Variants in MBD5 observed in about 807,000 individuals in gnomAD.
MBD5 encodes methyl-CpG-binding domain protein 5.
In MBD5, 13 loss-of-function variants were observed where a neutral mutation model predicts 117.3. That is an observed-to-expected ratio of 0.11 (90% confidence interval 0.07 to 0.18). The LOEUF (loss-of-function observed/expected upper bound fraction) is 0.18, where lower values mean the gene tolerates loss of function less well. Among genes scored for constraint, MBD5 ranks in the 10% least tolerant of loss-of-function variants. The pLI, the probability that MBD5 is intolerant of heterozygous loss-of-function variation, is 1.00. For missense variants in MBD5, 1,879 were observed against 2,093.8 expected, an observed-to-expected ratio of 0.90 and a Z score of 2.00; for synonymous variants, 727 against 766.4, an observed-to-expected ratio of 0.95 and a Z score of 0.85.
chr2:148,144,894 A>T (rs945243146), intron 1 of MBD5, among the ~76,000 whole-genome samples: 2 of 152,042 alleles, frequency 1.3e-5, no homozygotes. Context: ...TGCCTCCAGC[A>T]TTGTTCTTTT....
At chr2:148,370,899 C>T (rs563504365) in intron 4 of MBD5, among the ~76,000 whole-genome samples, 4 of 151,916 alleles carry the variant, frequency 2.6e-5, no homozygotes, top group Admixed American at 2.0e-4. Context: ...AGAGTCCAAA[C>T]CAAAGCAAGA....
intron 4 of MBD5, among the ~76,000 whole-genome samples, chr2:148,396,919 A>G (rs1378963893): frequency 6.6e-6 from 1 of 152,142 alleles, no homozygotes; most frequent in Non-Finnish European, 1.5e-5. Flanking sequence ...TTTTTCTGCA[A>G]ATTACACTTT....
intron 1 of MBD5, among the ~76,000 whole-genome samples, chr2:148,164,822 A>G (rs1698088033): frequency 6.6e-6 from 1 of 152,168 alleles, no homozygotes; most frequent in South Asian, 2.1e-4. Flanking sequence ...ACAGTTCTGA[A>G]GGCTAGGAAG....
At chr2:148,117,498 A>G (rs2105382568) in intron 1 of MBD5, among the ~76,000 whole-genome samples, 1 of 152,322 alleles carries the variant, frequency 6.6e-6, no homozygotes. Flanking sequence ...TAGATCTTGC[A>G]TAGATATTGT....
At chr2:148,450,668 A>C (rs948452889) in intron 4 of MBD5, among the ~76,000 whole-genome samples, 8 of 152,186 alleles carry the variant, frequency 5.3e-5, no homozygotes, top group Non-Finnish European at 1.5e-5. Context: ...TTTTAGGTGC[A>C]AAACTTGAAC....
intron 4 of MBD5, among the ~76,000 whole-genome samples, chr2:148,396,047 C>G (rs960354404): frequency 2.6e-5 from 4 of 152,140 alleles, no homozygotes; most frequent in African/African-American, 9.7e-5. Context: ...TTCTTTTCCC[C>G]TCATCCATTG....
intron 2 of MBD5, among the ~76,000 whole-genome samples, chr2:148,212,982 T>C (rs1194234004): frequency 3.3e-5 from 5 of 151,954 alleles, no homozygotes; most frequent in African/African-American, 1.2e-4. Flanking sequence ...TGAGTTCATC[T>C]TTATTCTACA....
intron 3 of MBD5, among the ~76,000 whole-genome samples, chr2:148,325,506 T>C (rs1201482410): frequency 4.6e-5 from 7 of 152,234 alleles, no homozygotes; most frequent in African/African-American, 1.7e-4. Flanking sequence ...ATTGCCACAA[T>C]ATCAGCTCCT....
chr2:148,339,677 G>A (rs769470735), intron 3 of MBD5, among the ~76,000 whole-genome samples: 17 of 151,894 alleles, frequency 1.1e-4, no homozygotes, highest in Non-Finnish European at 1.6e-4. Context: ...CCTAGTACCT[G>A]CCAACACCTA....
chr2:148,367,546 C>G (rs190231919), intron 4 of MBD5, among the ~76,000 whole-genome samples: 77 of 152,214 alleles, frequency 5.1e-4, no homozygotes, highest in African/African-American at 1.8e-3. Context: ...AGGCAACCTA[C>G]AGAATGGGAG....
chr2:148,294,513 T>TTGTTTTTTTTTTTGTTTGTTTGTTTG (rs1387426588), intron 3 of MBD5, among the ~76,000 whole-genome samples: 2 of 139,848 alleles, frequency 1.4e-5, no homozygotes, highest in Non-Finnish European at 3.1e-5. Context: ...TTTTTTTTTT[T>TTGTTTTTTTTTTTGTTTGTTTGTTTG]TTTTTTTTGA....
At chr2:148,194,793 TGAAA>T (rs1698931593) in intron 2 of MBD5, among the ~76,000 whole-genome samples, 1 of 129,534 alleles carries the variant, frequency 7.7e-6, no homozygotes, top group East Asian at 2.4e-4. Context: ...AAAAAAAAAA[TGAAA>T]GAACAGATGG....
At chr2:148,326,085 C>T (rs548194686) in intron 3 of MBD5, among the ~76,000 whole-genome samples, 1,544 of 152,174 alleles carry the variant, frequency 0.01, 13 homozygotes, top group African/African-American at 0.034. Context: ...GCCTTCATTT[C>T]GTTATGTACC....
intron 3 of MBD5, among the ~76,000 whole-genome samples, chr2:148,309,367 C>T (rs1306184625): frequency 6.6e-6 from 1 of 152,158 alleles, no homozygotes; most frequent in African/African-American, 2.4e-5. Flanking sequence ...AGAGGTCCTT[C>T]ACGTCCCTTG....
At chr2:148,425,027 C>G (rs1282712599) in intron 4 of MBD5, among the ~76,000 whole-genome samples, 1 of 152,082 alleles carries the variant, frequency 6.6e-6, no homozygotes, top group East Asian at 1.9e-4. Context: ...CAAGAAATAA[C>G]TAACATCAGA....
At chr2:148,488,690 G>A (rs1236694079) in intron 10 of MBD5, among the ~76,000 whole-genome samples, 1 of 151,826 alleles carries the variant, frequency 6.6e-6, no homozygotes, top group Admixed American at 6.6e-5. Context: ...ATTACCTTGG[G>A]CACTTTTTCA....
intron 3 of MBD5, among the ~76,000 whole-genome samples, chr2:148,325,348 A>T (rs1418269376): frequency 2.0e-5 from 3 of 152,206 alleles, no homozygotes; most frequent in African/African-American, 4.8e-5. Context: ...TGCTGGCCTC[A>T]TAAAATGAGT....
At chr2:148,449,591 C>T (rs1706664343) in intron 4 of MBD5, among the ~76,000 whole-genome samples, 1 of 151,650 alleles carries the variant, frequency 6.6e-6, no homozygotes, top group African/African-American at 2.4e-5. Flanking sequence ...ATATTCCAAG[C>T]AGAAAAGTGG....
chr2:148,120,912 G>A (rs925282388), intron 1 of MBD5, among the ~76,000 whole-genome samples: 2 of 152,066 alleles, frequency 1.3e-5, no homozygotes, highest in Non-Finnish European at 2.9e-5. Context: ...TTTCATAGAC[G>A]CCCTTGATCA....
Sources: allele counts gnomAD v4.1 joint callset (sites outside exome capture counted in the v4.1 genomes callset), GRCh38; gene constraint gnomAD v4.1.1; transcripts MANE v1.5; gene names NCBI Gene and HGNC (gene_info 2026-07-23, HGNC 2026-07-21).